The following RHPN2 variants were observed in gnomAD, a reference collection of about 807,000 sequenced individuals.
The protein encoded by RHPN2 is rhophilin Rho GTPase binding protein 2.
Under a neutral mutation model 79.0 loss-of-function variants are expected in RHPN2, and 40 were observed. That is an observed-to-expected ratio of 0.51 (90% confidence interval 0.39 to 0.66). RHPN2 has a LOEUF of 0.66. Among genes scored for constraint, RHPN2 ranks in the 30% least tolerant of loss-of-function variants. RHPN2 has a pLI of 0.00. For synonymous variants in RHPN2, 285 were observed against 363.5 expected, an observed-to-expected ratio of 0.78 and a Z score of 2.46; for missense variants, 686 against 883.5, an observed-to-expected ratio of 0.78 and a Z score of 2.83.
chr19:33,051,606 A>G (rs774808498), intron 1 of RHPN2: 1 of 181,326 alleles, frequency 5.5e-6, no homozygotes, highest in Non-Finnish European at 1.3e-5. Context: ...ATGTGTGCCC[A>G]GAGAAAAGCC....
intron 2 of RHPN2, chr19:33,027,254 A>G (rs1306530589): frequency 1.3e-5 from 2 of 151,738 alleles, no homozygotes; most frequent in Admixed American, 6.6e-5. Flanking sequence ...CTCTCAAAAA[A>G]AAAAAAAAAA....
intron 2 of RHPN2, among the ~76,000 whole-genome samples, chr19:33,038,578 C>A (rs1972076326): frequency 6.7e-6 from 1 of 149,848 alleles, no homozygotes; most frequent in Non-Finnish European, 1.5e-5. Context: ...AACCTCCGTC[C>A]CCCTGGTTCA....
intron 2 of RHPN2, among the ~76,000 whole-genome samples, chr19:33,043,237 C>T (rs1972114759): frequency 6.6e-6 from 1 of 151,686 alleles, no homozygotes; most frequent in Admixed American, 6.6e-5. Context: ...GAGCGAAACT[C>T]CATCTGAAAA....
At chr19:33,011,301 C>T (rs1443400683) in intron 6 of RHPN2, among the ~76,000 whole-genome samples, 1 of 151,820 alleles carries the variant, frequency 6.6e-6, no homozygotes, top group Non-Finnish European at 1.5e-5. Flanking sequence ...ACCTGATTTT[C>T]TCTCTCTCTC....
At chr19:33,047,485 G>A in intron 1 of RHPN2, among the ~76,000 whole-genome samples, 1 of 152,140 alleles carries the variant, frequency 6.6e-6, no homozygotes, top group East Asian at 1.9e-4. Context: ...TCAGGACCTG[G>A]GATACGCCCA....
chr19:32,992,356 A>G (rs1292992648), intron 12 of RHPN2, among the ~76,000 whole-genome samples: 1 of 152,004 alleles, frequency 6.6e-6, no homozygotes, highest in African/African-American at 2.4e-5. Context: ...ATGCCTGGCT[A>G]ATTTTTGTAT....
chr19:33,025,535 T>C (rs6510328), intron 3 of RHPN2, among the ~76,000 whole-genome samples: 67,641 of 151,906 alleles, frequency 0.45, 18,007 homozygotes, highest in African/African-American at 0.75. Context: ...TTACTTTAAT[T>C]TGGATTTTTC....
At chr19:33,022,731 C>A (rs1971934956) in intron 3 of RHPN2, among the ~76,000 whole-genome samples, 1 of 152,190 alleles carries the variant, frequency 6.6e-6, no homozygotes, top group Non-Finnish European at 1.5e-5. Flanking sequence ...TAACAGGAGA[C>A]CTCCTTGGGC....
chr19:33,025,131 C>T (rs919257362), intron 3 of RHPN2, among the ~76,000 whole-genome samples: 2 of 151,934 alleles, frequency 1.3e-5, no homozygotes, highest in African/African-American at 2.4e-5. Context: ...TTGAAGAAAT[C>T]GATTCCAAAA....
intron 1 of RHPN2, among the ~76,000 whole-genome samples, chr19:33,060,656 C>T (rs533332997): frequency 6.6e-6 from 1 of 152,224 alleles, no homozygotes; most frequent in Admixed American, 6.5e-5. Flanking sequence ...CCTAGGCCTC[C>T]TGAGTATATG....
chr19:32,998,247 A>C (rs898127853), intron 10 of RHPN2, among the ~76,000 whole-genome samples: 2 of 152,198 alleles, frequency 1.3e-5, no homozygotes, highest in African/African-American at 4.8e-5. Flanking sequence ...AGCACTGTAC[A>C]CATGTGGCTT....
intron 1 of RHPN2, among the ~76,000 whole-genome samples, chr19:33,050,835 C>G (rs944071052): frequency 6.6e-6 from 1 of 151,666 alleles, no homozygotes; most frequent in African/African-American, 2.4e-5. Flanking sequence ...CCCGCCACCA[C>G]ACCCGGCTAA....
At chr19:33,044,160 C>A in intron 2 of RHPN2, 89 bp downstream of exon 2, 1 of 983,794 alleles carries the variant, frequency 1.0e-6, no homozygotes, top group Non-Finnish European at 1.6e-6. Context: ...GAGGAGGAAA[C>A]CCAAAGCTGA....
At chr19:32,992,146 C>T (rs1568310228) in intron 12 of RHPN2, 177 bp from the exon 13 acceptor site, 22 of 648,374 alleles carry the variant, frequency 3.4e-5, no homozygotes, top group South Asian at 2.8e-4. Flanking sequence ...AAGCCATCTT[C>T]TCAAACATAC....
At chr19:32,995,410 G>A (rs555242165) in intron 11 of RHPN2, among the ~76,000 whole-genome samples, 9 of 152,016 alleles carry the variant, frequency 5.9e-5, no homozygotes, top group Non-Finnish European at 1.2e-4. Flanking sequence ...GGATTTCCCA[G>A]TGAAAAGGAG....
intron 4 of RHPN2, among the ~76,000 whole-genome samples, chr19:33,020,421 G>C (rs577509010): frequency 1.7e-4 from 25 of 150,218 alleles, no homozygotes; most frequent in Admixed American, 6.0e-4. Context: ...TGCCTCCTGG[G>C]TTCAAGCGAC....
chr19:33,035,132 AT>A (rs1225153285), intron 2 of RHPN2, among the ~76,000 whole-genome samples: 1 of 151,382 alleles, frequency 6.6e-6, no homozygotes, highest in Non-Finnish European at 1.5e-5. Flanking sequence ...CACCCAGCTA[AT>A]TTTTTGTATT....
At chr19:33,036,558 C>T (rs1371209669) in intron 2 of RHPN2, among the ~76,000 whole-genome samples, 2 of 152,170 alleles carry the variant, frequency 1.3e-5, no homozygotes, top group Non-Finnish European at 2.9e-5. Flanking sequence ...AGCCCTTCAG[C>T]CCGCCGCTGC....
chr19:33,017,550 C>A (rs1462694224), intron 4 of RHPN2, among the ~76,000 whole-genome samples: 1 of 151,820 alleles, frequency 6.6e-6, no homozygotes, highest in Non-Finnish European at 1.5e-5. Context: ...ACACATTACA[C>A]ATATATTTTA....
Sources: allele counts gnomAD v4.1 joint callset (sites outside exome capture counted in the v4.1 genomes callset), GRCh38; gene constraint gnomAD v4.1.1; transcripts MANE v1.5; gene names NCBI Gene and HGNC (gene_info 2026-07-23, HGNC 2026-07-21).